Variants in ANO10 observed in about 807,000 individuals in gnomAD.
The protein encoded by ANO10 is anoctamin 10.
Under a neutral mutation model 74.7 loss-of-function variants are expected in ANO10, and 77 were observed. The ratio of observed to expected loss-of-function variants is 1.03; its 90% CI spans 0.86 to 1.25. The LOEUF is 1.25. ANO10 is among the 50% of genes most tolerant of loss of function. The pLI, the probability that ANO10 is intolerant of heterozygous loss-of-function variation, is 0.00. For missense variants in ANO10, 721 were observed against 778.1 expected (o/e 0.93, Z 0.87); for synonymous variants, 279 against 284.9 (o/e 0.98, Z 0.21).
At chr3:43,493,192 CGT>C (rs1447707832) in intron 11 of ANO10, among the ~76,000 whole-genome samples, 1 of 152,108 alleles carries the variant, frequency 6.6e-6, no homozygotes, top group Admixed American at 6.5e-5. Flanking sequence ...AACCAAACAC[CGT>C]GTGTTCTCAC....
intron 1 of ANO10, among the ~76,000 whole-genome samples, chr3:43,621,234 A>T (rs1009168132): frequency 3.9e-5 from 6 of 152,148 alleles, no homozygotes; most frequent in African/African-American, 1.2e-4. Flanking sequence ...GGCACCCACA[A>T]AATCAGACGC....
At chr3:43,418,424 G>A (rs1408157914) in intron 12 of ANO10, among the ~76,000 whole-genome samples, 2 of 152,158 alleles carry the variant, frequency 1.3e-5, no homozygotes, top group Non-Finnish European at 2.9e-5. Context: ...GTACAGCATG[G>A]GCTTTTTCAA....
intron 1 of ANO10, among the ~76,000 whole-genome samples, chr3:43,677,257 G>A (rs1238958830): frequency 1.3e-5 from 2 of 152,124 alleles, no homozygotes; most frequent in Non-Finnish European, 2.9e-5. Context: ...ACCAAATACT[G>A]CATGTTCCCA....
At chr3:43,367,758 ACAC>A (rs1391720177) in intron 12 of ANO10, among the ~76,000 whole-genome samples, 4 of 151,694 alleles carry the variant, frequency 2.6e-5, no homozygotes, top group South Asian at 4.2e-4. Flanking sequence ...TGGCTAGAAA[ACAC>A]CACTACAGCT....
intron 1 of ANO10, 45 bp from the exon 2 acceptor site, chr3:43,605,908 G>T: frequency 6.3e-7 from 1 of 1,596,282 alleles, no homozygotes. Flanking sequence ...TGTTATTATG[G>T]CAAAGAGAAA....
At position 43,471,614 on chromosome 3, in the gene ANO10, A is replaced by G. The variant is rs751197073; in HGVS notation, c.1798-38887T>C. ...AATATAATACAGTGACAGAGGAGCA[A>G]GTATTTAAAAAAGAAAGAAAAAGAA... is the stretch of plus-strand genomic sequence containing the variant. On this transcript the variant is annotated intron_variant, in intron 11 of 12. Coordinates refer to ENST00000292246, the MANE Select transcript of ANO10 (RefSeq NM_018075.5). Among the ~76,000 whole-genome samples, 40 of 152,190 alleles carry G rather than the reference A, an allele frequency of 2.6e-4. 1 individual carries two copies. Among genetic ancestry groups the G allele is most frequent in the Non-Finnish European group, 7.3e-5 (5 of 68,038 alleles).
At chr3:43,651,397 T>C (rs1043944956) in intron 1 of ANO10, among the ~76,000 whole-genome samples, 2 of 152,190 alleles carry the variant, frequency 1.3e-5, no homozygotes, top group African/African-American at 4.8e-5. Context: ...ACAGCTGCTG[T>C]GTTTAATTGT....
At position 43,397,548 on chromosome 3, in the gene ANO10, C is replaced by T. The variant is rs575522690; in HGVS notation, c.1915-30574G>A. On this transcript the variant is annotated intron_variant, in intron 12 of 12. Transcript: ENST00000292246. ...GATCTCAGTCCACAACTTATTATTC[C>T]CTACTAACAGGGCAATACCTTTCTG... Among the ~76,000 whole-genome samples the T allele has an allele frequency of 7.2e-5, 11 of 152,230 alleles. No homozygotes were observed. In the South Asian group the frequency reaches 1.7e-3, roughly 23 times the overall value.
At chr3:43,477,496 C>T (rs545257987) in intron 11 of ANO10, among the ~76,000 whole-genome samples, 93 of 152,210 alleles carry the variant, frequency 6.1e-4, no homozygotes, top group Admixed American at 1.6e-3. Flanking sequence ...TAACAGCTGA[C>T]GTGTTATATT....
chr3:43,552,392 T>C (rs1376678635), intron 10 of ANO10, among the ~76,000 whole-genome samples: 1 of 151,824 alleles, frequency 6.6e-6, no homozygotes, highest in African/African-American at 2.4e-5. Flanking sequence ...AATAAAAAAA[T>C]AAAAAAAATT....
intron 11 of ANO10, among the ~76,000 whole-genome samples, chr3:43,459,020 G>C (rs533240716): frequency 2.2e-4 from 33 of 152,306 alleles, no homozygotes; most frequent in African/African-American, 6.0e-4. Flanking sequence ...AAGTCTCTGA[G>C]CCCCTTGAGT....
At chr3:43,491,263 C>A (rs1305086009) in intron 11 of ANO10, among the ~76,000 whole-genome samples, 1 of 152,160 alleles carries the variant, frequency 6.6e-6, no homozygotes, top group East Asian at 1.9e-4. Flanking sequence ...CCTGTAATCC[C>A]AGCACTTTGG....
chr3:43,486,548 T>A (rs914335084), intron 11 of ANO10, among the ~76,000 whole-genome samples: 13 of 149,066 alleles, frequency 8.7e-5, no homozygotes, highest in Admixed American at 2.7e-4. Context: ...GATTCCTAGG[T>A]ATTTTATTCT....
intron 11 of ANO10, among the ~76,000 whole-genome samples, chr3:43,480,661 C>G (rs1381437052): frequency 6.6e-6 from 1 of 152,152 alleles, no homozygotes; most frequent in Non-Finnish European, 1.5e-5. Context: ...CAAGTGAATT[C>G]CCAAGAAGTT....
At chr3:43,618,505 C>G (rs2083233084) in intron 1 of ANO10, among the ~76,000 whole-genome samples, 1 of 152,288 alleles carries the variant, frequency 6.6e-6, no homozygotes, top group African/African-American at 2.4e-5. Context: ...TAGAAATGCT[C>G]TAGAGGCTGT....
intron 11 of ANO10, among the ~76,000 whole-genome samples, chr3:43,433,084 C>T (rs1383028024): frequency 3.3e-5 from 5 of 150,632 alleles, no homozygotes; most frequent in African/African-American, 9.8e-5. Context: ...CTCAGCCTCC[C>T]GAGTGCACCA....
intron 1 of ANO10, among the ~76,000 whole-genome samples, chr3:43,671,601 AAC>A (rs1284081176): frequency 2.0e-5 from 3 of 152,214 alleles, no homozygotes; most frequent in Non-Finnish European, 4.4e-5. Context: ...ATAAAAATGA[AAC>A]AGTTTAGTAT....
At chr3:43,680,194 AT>A (rs2084175856) in intron 1 of ANO10, among the ~76,000 whole-genome samples, 1 of 152,188 alleles carries the variant, frequency 6.6e-6, no homozygotes, top group South Asian at 2.1e-4. Flanking sequence ...TTGAAAAAAA[AT>A]TAGACGAATG....
intron 11 of ANO10, among the ~76,000 whole-genome samples, chr3:43,545,043 G>A (rs1185027719): frequency 6.6e-6 from 1 of 151,816 alleles, no homozygotes; most frequent in Non-Finnish European, 1.5e-5. Context: ...TGGAAAAAAA[G>A]CATCTTAAAT....
Sources: gnomAD v4.1 joint callset for allele counts (sites outside exome capture counted in the v4.1 genomes callset) on GRCh38, gnomAD v4.1.1 for gene constraint, MANE v1.5 for transcripts, NCBI Gene and HGNC (gene_info 2026-07-23, HGNC 2026-07-21) for gene names.